The following BLTP3A variants were observed in gnomAD, a reference collection of about 807,000 sequenced individuals.
BLTP3A encodes the protein bridge-like lipid transfer protein family member 3A, also known as ICBP90 binding protein 1.
the BLTP3A span, among the ~76,000 whole-genome samples, chr6:34,811,676 C>A: frequency 4.8e-5 from 5 of 104,310 alleles, 1 homozygote; most frequent in South Asian, 1.1e-3. Flanking sequence ...ATGGTGAGAC[C>A]CCCCCCCCCG....
At chr6:34,800,397 GCGTTGAGTGGGTA>G in the BLTP3A span, among the ~76,000 whole-genome samples, 1 of 152,148 alleles carries the variant, frequency 6.6e-6, no homozygotes, top group Non-Finnish European at 1.5e-5. Flanking sequence ...GTTTGAGGAT[GCGTTGAGTGGGTA>G]AATTGGGAGA....
At chr6:34,855,290 G>C in the BLTP3A span, among the ~76,000 whole-genome samples, 1 of 152,208 alleles carries the variant, frequency 6.6e-6, no homozygotes, top group African/African-American at 2.4e-5. Flanking sequence ...AACAGTCAAG[G>C]CTATAGAGTG....
chr6:34,809,659 G>A, the BLTP3A span, among the ~76,000 whole-genome samples: 17 of 151,942 alleles, frequency 1.1e-4, no homozygotes, highest in African/African-American at 2.2e-4. Context: ...TCTGCCTCCC[G>A]GGTTCAAGCG....
At chr6:34,865,834 T>C in the BLTP3A span, among the ~76,000 whole-genome samples, 45 of 152,348 alleles carry the variant, frequency 3.0e-4, no homozygotes, top group African/African-American at 1.0e-3. Flanking sequence ...TAACTTCTTA[T>C]GGAAGATTTC....
chr6:34,870,949 TC>T, the BLTP3A span: 1 of 1,613,952 alleles, frequency 6.2e-7, no homozygotes, highest in Non-Finnish European at 8.5e-7. Context: ...AGCTGTTCAT[TC>T]CCCCCTGGCC....
chr6:34,807,208 A>G, the BLTP3A span, among the ~76,000 whole-genome samples: 2 of 152,210 alleles, frequency 1.3e-5, no homozygotes, highest in Non-Finnish European at 2.9e-5. Flanking sequence ...ACTGTTCCTA[A>G]CAAAGTGAGA....
At chr6:34,805,349 T>C in the BLTP3A span, among the ~76,000 whole-genome samples, 1 of 151,854 alleles carries the variant, frequency 6.6e-6, no homozygotes, top group Non-Finnish European at 1.5e-5. Flanking sequence ...TCCTAGCACC[T>C]TGGGAGGCTG....
At chr6:34,823,326 A>G in the BLTP3A span, 12 of 1,614,090 alleles carry the variant, frequency 7.4e-6, no homozygotes, top group African/African-American at 1.3e-5. Context: ...ACAGTCTCCC[A>G]TTGCCCTTGC....
At chr6:34,876,838 A>C in the BLTP3A span, 2 of 152,182 alleles carry the variant, frequency 1.3e-5, no homozygotes, top group Non-Finnish European at 2.9e-5. Context: ...CCCATGGCAC[A>C]AGGGGAAACA....
At chr6:34,825,840 A>AT in the BLTP3A span, among the ~76,000 whole-genome samples, 1 of 152,012 alleles carries the variant, frequency 6.6e-6, no homozygotes, top group South Asian at 2.1e-4. Flanking sequence ...TTTTATTTCC[A>AT]TTTTTTGACT....
At chr6:34,875,758 A>G in the BLTP3A span, 1 of 152,208 alleles carries the variant, frequency 6.6e-6, no homozygotes. Context: ...TTTAGTAAAA[A>G]TCAGCTTGCC....
At chr6:34,810,619 C>A in the BLTP3A span, among the ~76,000 whole-genome samples, 1 of 152,266 alleles carries the variant, frequency 6.6e-6, no homozygotes, top group South Asian at 2.1e-4. Context: ...CAGGCGTGTG[C>A]CACCATGCCC....
chr6:34,818,547 G>T, the BLTP3A span, among the ~76,000 whole-genome samples: 2 of 152,062 alleles, frequency 1.3e-5, no homozygotes, highest in African/African-American at 4.8e-5. Context: ...ATAATTGATA[G>T]AAATCTTAGA....
the BLTP3A span, among the ~76,000 whole-genome samples, chr6:34,815,800 G>T: frequency 1.3e-5 from 2 of 151,618 alleles, no homozygotes; most frequent in African/African-American, 2.4e-5. Context: ...GCCTCACCAT[G>T]GCCCGGCTAA....
chr6:34,854,372 TAAAAC>T, the BLTP3A span, among the ~76,000 whole-genome samples: 1 of 152,098 alleles, frequency 6.6e-6, no homozygotes, highest in Non-Finnish European at 1.5e-5. Flanking sequence ...TATACATAAA[TAAAAC>T]TAAAAGTTAG....
the BLTP3A span, among the ~76,000 whole-genome samples, chr6:34,838,858 T>G: frequency 1.3e-5 from 2 of 152,160 alleles, no homozygotes; most frequent in Admixed American, 1.3e-4. Context: ...GGAGGATCGC[T>G]TGGCAGAGGT....
chr6:34,859,188 C>T, the BLTP3A span: 1 of 1,614,084 alleles, frequency 6.2e-7, no homozygotes, highest in East Asian at 2.2e-5. Context: ...AGGATGTATC[C>T]CAGGAGAGGC....
chr6:34,828,886 G>C, the BLTP3A span, among the ~76,000 whole-genome samples: 1,734 of 151,778 alleles, frequency 0.011, 107 homozygotes, highest in East Asian at 0.17. Context: ...AATTAGCCAG[G>C]CGTGGTGGCG....
At chr6:34,823,263 G>C in the BLTP3A span, 29 of 1,613,884 alleles carry the variant, frequency 1.8e-5, no homozygotes, top group Admixed American at 2.0e-4. Flanking sequence ...TCAGTGTCTG[G>C]ATAAGGTAGA....
Sources: allele counts gnomAD v4.1 joint callset (sites outside exome capture counted in the v4.1 genomes callset), GRCh38; gene constraint gnomAD v4.1.1; transcripts MANE v1.5; gene names NCBI Gene and HGNC (gene_info 2026-07-23, HGNC 2026-07-21).